MSTO1: variants seen among roughly 807,000 people sequenced by gnomAD.
MSTO1 encodes protein misato homolog 1.
MSTO1 carries 24 observed loss-of-function variants against 55.7 expected under a neutral mutation model. The observed-to-expected ratio is 0.43, with a 90% CI of 0.31 to 0.61. The LOEUF (loss-of-function observed/expected upper bound fraction) is 0.61. Among genes scored for constraint, MSTO1 ranks in the 20% least tolerant of loss-of-function variants. MSTO1 has a pLI of 0.09. For missense variants in MSTO1, 363 were observed against 625.7 expected, an observed-to-expected ratio of 0.58 and a Z score of 4.48; for synonymous variants, 162 against 252.8, an observed-to-expected ratio of 0.64 and a Z score of 3.41.
chr1:155,600,145 C>G, the MSTO1 span, among the ~76,000 whole-genome samples: 1 of 152,230 alleles, frequency 6.6e-6, no homozygotes, highest in African/African-American at 2.4e-5. Flanking sequence ...ATATTTCAGA[C>G]TATCACATGG....
rs562653784 is a variant in MSTO1, at chr1:155,614,486, C to T, written c.*213C>T. ...AGAGAAAGGAGCTGAACTCCACTCT[C>T]GATGCTACTTACAGAGGACATCTGT... On this transcript the variant is annotated 3_prime_UTR_variant, in exon 14 of 14. Transcript: ENST00000245564. 8 of 647,658 alleles carry T rather than the reference C, an allele frequency of 1.2e-5. No homozygotes were observed. Among genetic ancestry groups the T allele is most frequent in the African/African-American group, 3.7e-5 (2 of 54,652 alleles). 40.1% of individuals were successfully genotyped at this position (647,658 alleles called of 1,614,324 possible).
chr1:155,569,729 A>G, the MSTO1 span, among the ~76,000 whole-genome samples: 2 of 151,184 alleles, frequency 1.3e-5, no homozygotes, highest in Non-Finnish European at 2.9e-5. Flanking sequence ...GATCCACTGC[A>G]CCCGGCCAGT....
At chr1:155,577,618 C>G in the MSTO1 span, among the ~76,000 whole-genome samples, 1 of 152,156 alleles carries the variant, frequency 6.6e-6, no homozygotes, top group Admixed American at 6.6e-5. Flanking sequence ...ACCAGACTAT[C>G]TTGATTACTG....
the MSTO1 span, among the ~76,000 whole-genome samples, chr1:155,593,408 T>G: frequency 6.6e-6 from 1 of 152,308 alleles, no homozygotes; most frequent in South Asian, 2.1e-4. Flanking sequence ...CGTAACATGA[T>G]ACAATTCTAA....
the MSTO1 span, among the ~76,000 whole-genome samples, chr1:155,599,967 G>A: frequency 6.6e-6 from 1 of 152,228 alleles, no homozygotes; most frequent in African/African-American, 2.4e-5. Flanking sequence ...GTACAATCGG[G>A]TTTTATACCG....
At chr1:155,603,658 G>C in the MSTO1 span, among the ~76,000 whole-genome samples, 1 of 151,984 alleles carries the variant, frequency 6.6e-6, no homozygotes, top group Non-Finnish European at 1.5e-5. Context: ...AGGAGTTCAA[G>C]ACCAGCCTGG....
chr1:155,581,313 G>T, the MSTO1 span, among the ~76,000 whole-genome samples: 1 of 152,106 alleles, frequency 6.6e-6, no homozygotes, highest in Admixed American at 6.6e-5. Context: ...GAACTCTTTT[G>T]TCTTGGAATA....
the MSTO1 span, among the ~76,000 whole-genome samples, chr1:155,566,642 T>G: frequency 1.3e-5 from 2 of 151,362 alleles, no homozygotes; most frequent in Admixed American, 1.3e-4. Context: ...TGAGACAGAG[T>G]TTCACTCTTG....
At chr1:155,600,420 T>C in the MSTO1 span, among the ~76,000 whole-genome samples, 3 of 152,254 alleles carry the variant, frequency 2.0e-5, no homozygotes, top group African/African-American at 7.2e-5. Flanking sequence ...GAATTTTTCT[T>C]AGTACAGAAC....
the MSTO1 span, among the ~76,000 whole-genome samples, chr1:155,588,785 C>A: frequency 6.6e-6 from 1 of 152,056 alleles, no homozygotes; most frequent in Admixed American, 6.6e-5. Context: ...CAGAACTGAG[C>A]CAGAAAGACT....
At chr1:155,604,128 T>C in the MSTO1 span, among the ~76,000 whole-genome samples, 6 of 152,168 alleles carry the variant, frequency 3.9e-5, no homozygotes, top group African/African-American at 1.4e-4. Context: ...AGAAAATACA[T>C]CAGGTCATTA....
chr1:155,591,928 A>AC, the MSTO1 span, among the ~76,000 whole-genome samples: 1 of 151,986 alleles, frequency 6.6e-6, no homozygotes, highest in African/African-American at 2.4e-5. Flanking sequence ...ATATAGCAAG[A>AC]CCCCACCCTA....
chr1:155,583,155 G>A, the MSTO1 span, among the ~76,000 whole-genome samples: 7 of 151,280 alleles, frequency 4.6e-5, no homozygotes, highest in African/African-American at 1.7e-4. Flanking sequence ...TTATAGATGT[G>A]TGCCACTGCA....
At chr1:155,586,077 T>C in the MSTO1 span, among the ~76,000 whole-genome samples, 1 of 152,194 alleles carries the variant, frequency 6.6e-6, no homozygotes, top group Non-Finnish European at 1.5e-5. Flanking sequence ...CAATGTTCTG[T>C]CAATGGACAT....
Position 155,613,752 on chromosome 1 carries a change from C to G in MSTO1, c.1484C>G (p.Ser495Cys), listed in dbSNP as rs1238756115. Residue 495 changes from serine to cysteine, a missense_variant, in exon 13 of 14, where the codon TCC becomes TGC. Ser to Cys is a moderately radical substitution (Grantham distance 112). Coordinates refer to ENST00000245564, the MANE Select transcript of MSTO1 (RefSeq NM_018116.4). ...CSPPGMVLDGSPKGAAVESIP... is the reference protein window; with the variant it reads ...CSPPGMVLDGCPKGAAVESIP... The stretch of plus-strand genomic sequence containing the variant: ...CCACCGGGTATGGTTCTGGATGGTT[C>G]CCCCAAGGGAGCAGGTATGTAGGAG... 6.2e-7 allele frequency: 1 copy of G among 1,610,852 alleles called. No individual in the cohort carries two copies. The highest frequency in any genetic ancestry group is 1.3e-5 in the African/African-American group (1 of 74,920).
At chr1:155,568,040 A>T in the MSTO1 span, among the ~76,000 whole-genome samples, 2 of 148,202 alleles carry the variant, frequency 1.3e-5, no homozygotes, top group African/African-American at 5.0e-5. Context: ...CCCTGTCTGA[A>T]CAAAAAAAAA....
At chr1:155,577,831 G>T in the MSTO1 span, among the ~76,000 whole-genome samples, 2 of 152,084 alleles carry the variant, frequency 1.3e-5, no homozygotes, top group Non-Finnish European at 2.9e-5. Flanking sequence ...CTGCACTTTC[G>T]ACTTCTCAGG....
chr1:155,565,175 G>A, the MSTO1 span, among the ~76,000 whole-genome samples: 1 of 151,264 alleles, frequency 6.6e-6, no homozygotes, highest in African/African-American at 2.4e-5. Flanking sequence ...AGCGCCTGTA[G>A]TTCCACCTAC....
chr1:155,592,070 T>C, the MSTO1 span, among the ~76,000 whole-genome samples: 20 of 152,316 alleles, frequency 1.3e-4, no homozygotes, highest in South Asian at 4.1e-4. Context: ...GTAGATAAAA[T>C]TGAGTAGCGT....
Sources: allele counts gnomAD v4.1 joint callset (sites outside exome capture counted in the v4.1 genomes callset), GRCh38; gene constraint gnomAD v4.1.1; transcripts MANE v1.5; gene names NCBI Gene and HGNC (gene_info 2026-07-23, HGNC 2026-07-21).